The following MAEL variants were observed in gnomAD, a reference collection of about 807,000 sequenced individuals.
MAEL encodes the protein protein maelstrom homolog.
Under a neutral mutation model 62.0 loss-of-function variants are expected in MAEL, and 46 were observed. The ratio of observed to expected loss-of-function variants is 0.74; its 90% CI spans 0.59 to 0.95. The LOEUF is 0.95. Among genes scored for constraint, MAEL ranks in the 40% least tolerant of loss-of-function variants. The pLI, the probability that MAEL is intolerant of heterozygous loss-of-function variation, is 0.00. For missense variants in MAEL, 497 were observed against 526.8 expected, an observed-to-expected ratio of 0.94 and a Z score of 0.55; for synonymous variants, 172 against 175.5, an observed-to-expected ratio of 0.98 and a Z score of 0.16.
chr1:167,018,420 G>A (rs919383238), intron 10 of MAEL, among the ~76,000 whole-genome samples: 3 of 151,918 alleles, frequency 2.0e-5, no homozygotes, highest in Admixed American at 6.6e-5. Context: ...TAAGAGTATG[G>A]GCTCTAGGGT....
At position 166,989,344 on chromosome 1, in the gene MAEL, C is replaced by T. The variant is rs147719038; in HGVS notation, c.-9C>T. 1.6e-4 allele frequency: 261 copies of T among 1,606,834 alleles called. 1 individual carries two copies. The East Asian group carries it at 5.7e-3, about 35-fold the overall frequency. ...TCTGTCTGAGGCCAGGAAGTTTGACCGCGCTGCCATGCCGAACCGTAAGGC... is the reference window on the plus strand; with the variant it reads ...TCTGTCTGAGGCCAGGAAGTTTGACTGCGCTGCCATGCCGAACCGTAAGGC... On this transcript the variant is annotated 5_prime_UTR_variant, in exon 1 of 12. Coordinates refer to ENST00000367872, the MANE Select transcript of MAEL (RefSeq NM_032858.3).
Position 166,998,271 on chromosome 1 carries a change from A to G in MAEL, c.523+4202A>G, listed in dbSNP as rs554593650. The stretch of plus-strand genomic sequence containing the variant: ...TTTGTAAACATGGGGCTTCCCTCTT[A>G]TTTTTTAGATCCGTAATATCTTTCA... On this transcript the variant is annotated intron_variant, in intron 5 of 11. Transcript: ENST00000367872. 3.2e-4 allele frequency among the ~76,000 whole-genome samples: 48 copies of G among 152,092 alleles called. 1 individual carries two copies. The South Asian group carries it at 1.0e-2, about 32-fold the overall frequency.
In MAEL at chr1:167,022,099, G is replaced by A. The variant is rs531161286; in HGVS notation, c.*244G>A. 2.6e-6 allele frequency: 1 copy of A among 386,548 alleles called. No individual in the cohort carries two copies. The highest frequency in any genetic ancestry group is 2.0e-5 in the African/African-American group (1 of 48,788). 23.9% of individuals were successfully genotyped at this position (386,548 alleles called of 1,614,324 possible). A position where few individuals can be genotyped will look rare whatever the true frequency, so the allele number is the denominator to read the frequency against. On this transcript the variant is annotated 3_prime_UTR_variant, in exon 12 of 12. Coordinates refer to ENST00000367872, the MANE Select transcript of MAEL (RefSeq NM_032858.3). The stretch of plus-strand genomic sequence containing the variant: ...GATGGGTATATCATTAAAGTTTGGA[G>A]TCCTATATGAACAAAACTGACATTT...
At chr1:166,997,004 C>T (rs371294550) in intron 5 of MAEL, among the ~76,000 whole-genome samples, 11 of 152,070 alleles carry the variant, frequency 7.2e-5, no homozygotes, top group African/African-American at 2.4e-4. Context: ...TTTTTTGTAT[C>T]TTTAGTAGAG....
chr1:167,021,361 T>G (rs1665623419), intron 11 of MAEL, among the ~76,000 whole-genome samples: 1 of 152,180 alleles, frequency 6.6e-6, no homozygotes, highest in Admixed American at 6.5e-5. Context: ...ACATTGTAAC[T>G]TCTCAGAATT....
rs911598972 is a variant in MAEL at position 166,989,300 on chromosome 1, G to T, written c.-53G>T. 1 of 1,571,170 alleles carries T rather than the reference G, an allele frequency of 6.4e-7. No individual in the cohort carries two copies. The highest frequency in any genetic ancestry group is 2.3e-5 in the East Asian group (1 of 43,340). ...CTGTTACTTAGGGCGGGAGCCCGGC[G>T]AGGGCGCCGGTGCTTTGTTCTGTCT... On this transcript the variant is annotated 5_prime_UTR_variant, in exon 1 of 12. Coordinates refer to ENST00000367872, the MANE Select transcript of MAEL (RefSeq NM_032858.3).
chr1:166,989,266 C>G (rs1168426375), upstream of MAEL: 5 of 1,500,048 alleles, frequency 3.3e-6, no homozygotes, highest in Non-Finnish European at 4.5e-6. Flanking sequence ...CGTGCGCAGG[C>G]GCCTACCTCT....
intron 5 of MAEL, among the ~76,000 whole-genome samples, chr1:166,999,346 T>C (rs1051342737): frequency 1.3e-5 from 2 of 152,228 alleles, no homozygotes; most frequent in South Asian, 4.1e-4. Flanking sequence ...ATTGCTGATA[T>C]GAAGAAAGTT....
intron 8 of MAEL, 22 bp downstream of exon 8, chr1:167,005,419 T>C (rs1227958740): frequency 1.9e-6 from 3 of 1,575,962 alleles, no homozygotes; most frequent in Middle Eastern, 1.7e-4. Context: ...ATTTTTGTTT[T>C]AGAGTCATTT....
upstream of MAEL, among the ~76,000 whole-genome samples, chr1:166,986,960 G>GTGTGTA (rs1358642997): frequency 6.6e-6 from 1 of 151,702 alleles, no homozygotes; most frequent in Non-Finnish European, 1.5e-5. Flanking sequence ...GTGTGTGTGT[G>GTGTGTA]TGTGTGTGTG....
chr1:167,016,626 C>A (rs1285119656), intron 9 of MAEL, among the ~76,000 whole-genome samples: 1 of 152,128 alleles, frequency 6.6e-6, no homozygotes, highest in Non-Finnish European at 1.5e-5. Context: ...TCCAGCACTT[C>A]TACTGCTGGG....
chr1:166,989,415 A>C lies in MAEL; in HGVS notation c.63A>C (p.Glu21Asp), dbSNP rs2102066426. 6.2e-7 allele frequency: 1 copy of C among 1,603,910 alleles called. No individual in the cohort carries two copies. Among genetic ancestry groups the C allele is most frequent in the Middle Eastern group, 1.7e-4 (1 of 6,050 alleles). ...YYFFVQEKIP[E>D]LRRRGLPVAR... ...TCTTCGTGCAGGAGAAGATCCCCGA[A>C]CTACGGCGACGAGGCCTGCCTGTGG... is the stretch of plus-strand genomic sequence containing the variant. The change falls in exon 1 of 12, where the codon GAA (glutamate) becomes GAC (aspartate). Residue 21 changes from glutamate (E) to aspartate (D), a missense_variant. By Grantham distance (45) the Glu-to-Asp change is conservative. Coordinates refer to ENST00000367872, the MANE Select transcript of MAEL (RefSeq NM_032858.3).
At chr1:167,007,737 T>A (rs895903775) in intron 8 of MAEL, among the ~76,000 whole-genome samples, 1 of 152,142 alleles carries the variant, frequency 6.6e-6, no homozygotes, top group Non-Finnish European at 1.5e-5. Context: ...TTTTACTTTT[T>A]AAAAAATTTC....
At position 166,992,742 on chromosome 1, in the gene MAEL, C is replaced by T; in HGVS notation, c.382C>T (p.Pro128Ser). 5.0e-6 allele frequency: 8 copies of T among 1,610,826 alleles called. No individual in the cohort carries two copies. The highest frequency in any genetic ancestry group is 1.1e-5 in the South Asian group (1 of 90,280). ...CATTTTTAGCCATGGCGAGCTACCT[C>T]CTCATTGTGAACAGCGCTTCCTCCC... ...LNIFSHGELP[P>S]HCEQRFLPCE... Residue 128 changes from proline to serine, a missense_variant, in exon 4 of 12, where the codon CCT (proline) becomes TCT (serine). By Grantham distance (74) the Pro-to-Ser change is moderately conservative. Transcript: ENST00000367872.
At chr1:167,003,999 AT>A (rs1401826056) in intron 5 of MAEL, among the ~76,000 whole-genome samples, 180 bp from the exon 6 acceptor site, 8 of 152,202 alleles carry the variant, frequency 5.3e-5, no homozygotes, top group Admixed American at 2.6e-4. Flanking sequence ...ATCAAATCAA[AT>A]CATAGAATGG....
chr1:167,021,737 T>C lies in MAEL; in HGVS notation c.1187T>C (p.Leu396Ser). ...SSVRGRGITR[L>S]LESISNSSSN... ...GTTCGGGGAAGAGGAATTACCCGCT[T>C]ACTAGAGAGCATTTCCAATTCTTCC... The change falls in exon 12 of 12, where the codon TTA becomes TCA. Residue 396 changes from leucine to serine, a missense_variant. Leu to Ser is a moderately radical substitution (Grantham distance 145, BLOSUM62 -2). Coordinates refer to ENST00000367872, the MANE Select transcript of MAEL (RefSeq NM_032858.3). The C allele has an allele frequency of 6.2e-7, 1 of 1,613,510 alleles. No homozygotes were observed. Among genetic ancestry groups the C allele is most frequent in the Non-Finnish European group, 8.5e-7 (1 of 1,179,734 alleles).
intron 8 of MAEL, among the ~76,000 whole-genome samples, chr1:167,010,819 C>T (rs1029832140): frequency 8.5e-5 from 13 of 152,104 alleles, no homozygotes; most frequent in Admixed American, 5.2e-4. Context: ...TGCTCCTTTG[C>T]GTTTCTTGGA....
intron 5 of MAEL, among the ~76,000 whole-genome samples, chr1:166,996,363 CT>C (rs769363831): frequency 6.6e-6 from 1 of 152,220 alleles, no homozygotes; most frequent in Middle Eastern, 3.2e-3. Context: ...TCCTTCCCCA[CT>C]TTAACCAGAT....
intron 10 of MAEL, among the ~76,000 whole-genome samples, 158 bp from the exon 11 acceptor site, chr1:167,020,927 A>G (rs1035886946): frequency 3.3e-5 from 5 of 151,932 alleles, no homozygotes; most frequent in Non-Finnish European, 5.9e-5. Flanking sequence ...AGTCTATCCT[A>G]TTTTCTCCCC....
Sources: allele counts gnomAD v4.1 joint callset (sites outside exome capture counted in the v4.1 genomes callset), GRCh38; gene constraint gnomAD v4.1.1; transcripts MANE v1.5; gene names NCBI Gene and HGNC (gene_info 2026-07-23, HGNC 2026-07-21).